CSMD1: variants seen among roughly 807,000 people sequenced by gnomAD.
The protein encoded by CSMD1 is CUB and sushi domain-containing protein 1.
Under a neutral mutation model 417.5 loss-of-function variants are expected in CSMD1, and 213 were observed. The observed-to-expected ratio is 0.51, with a 90% CI of 0.46 to 0.57. The LOEUF (loss-of-function observed/expected upper bound fraction) is 0.57, where lower values mean the gene tolerates loss of function less well. Ranked by LOEUF, CSMD1 falls within the 20% of genes least tolerant of loss-of-function variation. CSMD1 has a pLI of 0.00. For synonymous variants in CSMD1, 2,862 were observed against 1,736.8 expected, an observed-to-expected ratio of 1.65 and a Z score of -16.11; for missense variants, 6,923 against 4,529.7, an observed-to-expected ratio of 1.53 and a Z score of -15.17.
chr8:4,203,993 C>T (rs920332573), intron 3 of CSMD1, among the ~76,000 whole-genome samples: 14 of 152,118 alleles, frequency 9.2e-5, no homozygotes, highest in Non-Finnish European at 1.3e-4. Context: ...CCCAGCTACT[C>T]GGAAGACTGA....
chr8:4,921,164 G>C (rs1018441729), intron 1 of CSMD1, among the ~76,000 whole-genome samples: 3 of 151,972 alleles, frequency 2.0e-5, no homozygotes, highest in African/African-American at 7.2e-5. Context: ...TGATTATGAT[G>C]GTGATTTAGG....
chr8:4,328,425 C>A (rs1799679698), intron 3 of CSMD1, among the ~76,000 whole-genome samples: 7 of 151,732 alleles, frequency 4.6e-5, no homozygotes, highest in Admixed American at 4.6e-4. Flanking sequence ...GTTTTAATTT[C>A]TTAATTTATA....
At chr8:3,210,279 G>T (rs1386981162) in intron 30 of CSMD1, among the ~76,000 whole-genome samples, 1 of 152,046 alleles carries the variant, frequency 6.6e-6, no homozygotes, top group Non-Finnish European at 1.5e-5. Context: ...CATGTAAATG[G>T]AATCCTCCAT....
chr8:3,563,920 T>C (rs1239091031), intron 10 of CSMD1, among the ~76,000 whole-genome samples: 1 of 152,080 alleles, frequency 6.6e-6, no homozygotes, highest in Non-Finnish European at 1.5e-5. Flanking sequence ...CACACCAACA[T>C]ATTTTTAAAC....
intron 3 of CSMD1, among the ~76,000 whole-genome samples, chr8:4,275,206 A>G (rs1009550400): frequency 6.6e-6 from 1 of 152,080 alleles, no homozygotes; most frequent in Non-Finnish European, 1.5e-5. Context: ...AAGATAAATT[A>G]TTGTCTAGTT....
intron 3 of CSMD1, among the ~76,000 whole-genome samples, chr8:4,147,759 T>A (rs578024395): frequency 6.5e-4 from 99 of 152,160 alleles, no homozygotes; most frequent in Admixed American, 2.2e-3. Context: ...CGGCAAGCCA[T>A]GGACTTGCCA....
chr8:3,091,643 A>G lies in CSMD1; in HGVS notation c.7158T>C (p.Pro2386=), dbSNP rs1356719623. 6.2e-7 allele frequency: 1 copy of G among 1,610,256 alleles called. No homozygotes were observed. Among genetic ancestry groups the G allele is most frequent in the Non-Finnish European group, 8.5e-7 (1 of 1,179,170 alleles). Residue 2386 remains proline, a synonymous_variant, in exon 48 of 70, where the codon CCT becomes CCC. Coordinates refer to ENST00000635120, the MANE Select transcript of CSMD1 (RefSeq NM_033225.6). ...GATTCCCACTTAAGACTACTAGCAGAGGACTTTGCCCAGAAGAACCTAAGT... is the reference window on the plus strand; with the variant it reads ...GATTCCCACTTAAGACTACTAGCAGGGGACTTTGCCCAGAAGAACCTAAGT... ...EVFDGSSGQS[P]LLVVLSGNHT... is the part of the protein sequence containing the mutation.
chr8:4,023,177 C>G (rs1796875006), intron 4 of CSMD1, among the ~76,000 whole-genome samples: 1 of 152,164 alleles, frequency 6.6e-6, no homozygotes, highest in Non-Finnish European at 1.5e-5. Flanking sequence ...TCCTTTTCAC[C>G]CAGTGCAATG....
intron 37 of CSMD1, among the ~76,000 whole-genome samples, chr8:3,180,177 G>A (rs114813997): frequency 4.6e-5 from 7 of 152,104 alleles, no homozygotes; most frequent in Admixed American, 1.3e-4. Context: ...TTCTTATTTC[G>A]CTTTTACAAG....
intron 1 of CSMD1, among the ~76,000 whole-genome samples, chr8:4,741,753 C>G (rs2117007455): frequency 6.6e-6 from 1 of 152,236 alleles, no homozygotes; most frequent in South Asian, 2.1e-4. Context: ...TGGAGAGTCT[C>G]AGGCCCCAAC....
intron 2 of CSMD1, among the ~76,000 whole-genome samples, chr8:4,547,585 G>T (rs1280682038): frequency 6.6e-6 from 1 of 152,060 alleles, no homozygotes; most frequent in African/African-American, 2.4e-5. Context: ...TATCTCTCAA[G>T]TAATGCCTGT....
intron 2 of CSMD1, among the ~76,000 whole-genome samples, chr8:4,548,117 TTGA>T (rs1323984380): frequency 1.3e-5 from 2 of 152,056 alleles, no homozygotes; most frequent in Non-Finnish European, 2.9e-5. Context: ...TTTATTTGCT[TTGA>T]TGATGATACT....
chr8:3,761,946 T>C (rs975954598), intron 5 of CSMD1, among the ~76,000 whole-genome samples: 6 of 152,138 alleles, frequency 3.9e-5, no homozygotes, highest in Non-Finnish European at 7.3e-5. Context: ...TGAGGCACCA[T>C]CATGCTCCAC....
chr8:3,576,070 T>A (rs1450527939), intron 9 of CSMD1, among the ~76,000 whole-genome samples: 1 of 152,050 alleles, frequency 6.6e-6, no homozygotes, highest in Non-Finnish European at 1.5e-5. Flanking sequence ...TCATAGCCCA[T>A]CCTCTATTTT....
At chr8:3,603,344 A>C (rs2051010181) in intron 8 of CSMD1, among the ~76,000 whole-genome samples, 1 of 152,130 alleles carries the variant, frequency 6.6e-6, no homozygotes, top group Non-Finnish European at 1.5e-5. Context: ...TAAGTTGTGA[A>C]AACACTTTGG....
rs189521923 is a variant in CSMD1 at position 3,982,929 on chromosome 8, T to C, written c.818+14974A>G. 1.1e-4 allele frequency among the ~76,000 whole-genome samples: 17 copies of C among 152,258 alleles called. No homozygotes were observed. The East Asian group carries it at 2.9e-3, about 26-fold the overall frequency. ...TAACTTTGAAAAATAGATATTGTTA[T>C]ATGCACTTTGCAGATGAAAAACAAA... On this transcript the variant is annotated intron_variant, in intron 5 of 69. Coordinates refer to ENST00000635120, the MANE Select transcript of CSMD1 (RefSeq NM_033225.6).
chr8:4,148,460 T>A, intron 3 of CSMD1, among the ~76,000 whole-genome samples: 1 of 151,962 alleles, frequency 6.6e-6, no homozygotes, highest in East Asian at 1.9e-4. Flanking sequence ...ATGGCACATG[T>A]ATACATATGT....
Position 3,759,844 on chromosome 8 carries a change from G to T in CSMD1, c.819-5802C>A, listed in dbSNP as rs922645103. Among the ~76,000 whole-genome samples the T allele has an allele frequency of 7.4e-5, 11 of 149,192 alleles. 1 individual carries two copies. The South Asian group carries it at 1.7e-3, about 23-fold the overall frequency. On this transcript the variant is annotated intron_variant, in intron 5 of 69. Transcript: ENST00000635120. Reference sequence around the variant, plus strand: ...AATTGTTTGAACCTGAGAGGCAGAGGTTGCAGTGACCCGGAGATTGCACTG... The same window carrying T: ...AATTGTTTGAACCTGAGAGGCAGAGTTTGCAGTGACCCGGAGATTGCACTG...
chr8:3,257,777 G>A (rs1238924276), intron 26 of CSMD1, among the ~76,000 whole-genome samples: 3 of 152,150 alleles, frequency 2.0e-5, no homozygotes, highest in Non-Finnish European at 4.4e-5. Context: ...GGATGATGAG[G>A]CTTCCAAGGG....
Sources: allele counts gnomAD v4.1 joint callset (sites outside exome capture counted in the v4.1 genomes callset), GRCh38; gene constraint gnomAD v4.1.1; transcripts MANE v1.5; gene names NCBI Gene and HGNC (gene_info 2026-07-23, HGNC 2026-07-21).